ITGA9: variants seen among roughly 807,000 people sequenced by gnomAD.
ITGA9 encodes integrin alpha-9.
A neutral mutation model predicts 127.8 loss-of-function variants in ITGA9; 56 were observed. That is an observed-to-expected ratio of 0.44 (90% CI 0.35 to 0.55). The LOEUF is 0.55. Ranked by LOEUF, ITGA9 falls within the 20% of genes least tolerant of loss-of-function variation. ITGA9 has a pLI of 0.00. For synonymous variants in ITGA9, 508 were observed against 514.5 expected (o/e 0.99, Z 0.17); for missense variants, 1,196 against 1,347.1 (o/e 0.89, Z 1.76).
intron 9 of ITGA9, 95 bp from the exon 10 acceptor site, chr3:37,517,409 G>A (rs1698994359): frequency 1.1e-6 from 1 of 927,806 alleles, no homozygotes; most frequent in Non-Finnish European, 1.7e-6. Flanking sequence ...GCTCTAGCAG[G>A]GCAGCATTCA....
chr3:37,520,288 T>C (rs781571370), intron 11 of ITGA9, among the ~76,000 whole-genome samples: 1 of 152,146 alleles, frequency 6.6e-6, no homozygotes, highest in Admixed American at 6.5e-5. Context: ...AGACAGGGCT[T>C]TGGGAGGCGC....
chr3:37,548,480 T>TA (rs1052674032), intron 15 of ITGA9, among the ~76,000 whole-genome samples: 21 of 152,314 alleles, frequency 1.4e-4, no homozygotes, highest in African/African-American at 5.1e-4. Flanking sequence ...CTTATTTTGT[T>TA]AAAAAAAGTT....
At chr3:37,607,763 C>CAAAG (rs747946675) in intron 15 of ITGA9, among the ~76,000 whole-genome samples, 2 of 152,110 alleles carry the variant, frequency 1.3e-5, no homozygotes, top group African/African-American at 2.4e-5. Flanking sequence ...ATGAGTTGTG[C>CAAAG]AAAGCCCAAT....
At chr3:37,500,452 C>T (rs554105997) in intron 5 of ITGA9, among the ~76,000 whole-genome samples, 1 of 152,304 alleles carries the variant, frequency 6.6e-6, no homozygotes, top group African/African-American at 2.4e-5. Flanking sequence ...GCCTTTCCGG[C>T]GAGAATCTAG....
intron 18 of ITGA9, among the ~76,000 whole-genome samples, chr3:37,700,776 A>G (rs2125672616): frequency 6.6e-6 from 1 of 152,328 alleles, no homozygotes; most frequent in Non-Finnish European, 1.5e-5. Context: ...GAAGATGGGT[A>G]TATCTATCTT....
intron 15 of ITGA9, among the ~76,000 whole-genome samples, chr3:37,589,590 G>A (rs1466652503): frequency 6.6e-6 from 1 of 152,160 alleles, no homozygotes; most frequent in East Asian, 1.9e-4. Context: ...GTTAGGGTAG[G>A]CCTCATGAAA....
At chr3:37,456,455 A>C (rs558324412) in intron 1 of ITGA9, among the ~76,000 whole-genome samples, 1 of 152,278 alleles carries the variant, frequency 6.6e-6, no homozygotes, top group African/African-American at 2.4e-5. Context: ...TGACAACTGT[A>C]ACACCCTGTG....
At chr3:37,551,927 T>C (rs768354) in intron 15 of ITGA9, among the ~76,000 whole-genome samples, 34,904 of 152,236 alleles carry the variant, frequency 0.23, 6,619 homozygotes, top group African/African-American at 0.52. Flanking sequence ...ACACTATGTT[T>C]TCGTGAAGGC....
intron 4 of ITGA9, among the ~76,000 whole-genome samples, chr3:37,483,236 G>A (rs1698574683): frequency 6.6e-6 from 1 of 152,080 alleles, no homozygotes; most frequent in South Asian, 2.1e-4. Flanking sequence ...TATACCACAA[G>A]CACAAGGACA....
chr3:37,522,794 C>T (rs1699057681), intron 11 of ITGA9, among the ~76,000 whole-genome samples: 1 of 151,762 alleles, frequency 6.6e-6, no homozygotes, highest in Non-Finnish European at 1.5e-5. Context: ...GCTAGTGTGT[C>T]CCATGGTGAA....
At chr3:37,608,339 A>G (rs1189768445) in intron 15 of ITGA9, among the ~76,000 whole-genome samples, 1 of 152,276 alleles carries the variant, frequency 6.6e-6, no homozygotes, top group Non-Finnish European at 1.5e-5. Flanking sequence ...TTTCAGGAAC[A>G]TAAAATTCAG....
At chr3:37,801,121 C>T (rs1263402766) in intron 26 of ITGA9, among the ~76,000 whole-genome samples, 1 of 152,136 alleles carries the variant, frequency 6.6e-6, no homozygotes. Flanking sequence ...GTTGAGATTG[C>T]CCCACCGCAC....
At chr3:37,800,109 C>A (rs1158843861) in intron 26 of ITGA9, among the ~76,000 whole-genome samples, 14 of 152,194 alleles carry the variant, frequency 9.2e-5, no homozygotes, top group Non-Finnish European at 4.4e-5. Flanking sequence ...GGGGAAGTGA[C>A]AGGGCATTCT....
At chr3:37,541,798 G>T (rs1225106436) in intron 14 of ITGA9, among the ~76,000 whole-genome samples, 1 of 152,176 alleles carries the variant, frequency 6.6e-6, no homozygotes, top group African/African-American at 2.4e-5. Flanking sequence ...CTACCTGAAG[G>T]CAGGAGTTTA....
intron 23 of ITGA9, among the ~76,000 whole-genome samples, chr3:37,772,494 C>T (rs766743466): frequency 1.3e-5 from 2 of 152,000 alleles, no homozygotes; most frequent in African/African-American, 4.8e-5. Context: ...TGGAAAGCAC[C>T]GAGAGCCTGG....
chr3:37,474,500 T>C (rs966399533), intron 3 of ITGA9, among the ~76,000 whole-genome samples: 6 of 152,188 alleles, frequency 3.9e-5, no homozygotes, highest in Non-Finnish European at 8.8e-5. Context: ...GGTATAATAC[T>C]AAAGCACTTA....
At chr3:37,648,829 A>G (rs1700403242) in intron 16 of ITGA9, among the ~76,000 whole-genome samples, 2 of 152,182 alleles carry the variant, frequency 1.3e-5, no homozygotes, top group African/African-American at 4.8e-5. Context: ...AATAGCTTTT[A>G]TGTCTATGAA....
At chr3:37,484,298 G>A (rs562510983) in intron 4 of ITGA9, among the ~76,000 whole-genome samples, 3 of 152,164 alleles carry the variant, frequency 2.0e-5, no homozygotes, top group Non-Finnish European at 4.4e-5. Flanking sequence ...AAGAGGAGAG[G>A]GGTAGAAGAT....
At chr3:37,608,309 A>C (rs1321128758) in intron 15 of ITGA9, among the ~76,000 whole-genome samples, 1 of 152,278 alleles carries the variant, frequency 6.6e-6, no homozygotes, top group East Asian at 1.9e-4. Context: ...CAAAGAGATC[A>C]TAAACACACA....
Sources: gnomAD v4.1 joint callset for allele counts (sites outside exome capture counted in the v4.1 genomes callset) on GRCh38, gnomAD v4.1.1 for gene constraint, MANE v1.5 for transcripts, NCBI Gene and HGNC (gene_info 2026-07-23, HGNC 2026-07-21) for gene names.